MACF1: variants seen among roughly 807,000 people sequenced by gnomAD.
MACF1 encodes microtubule-actin cross-linking factor 1.
In MACF1, 193 loss-of-function variants were observed where a neutral mutation model predicts 854.8. The observed-to-expected ratio is 0.23, with a 90% CI of 0.20 to 0.25. The LOEUF is 0.25. MACF1 is among the 10% of genes least tolerant of loss of function. MACF1 has a pLI of 1.00. For synonymous variants in MACF1, 3,185 were observed against 3,226.7 expected, an observed-to-expected ratio of 0.99 and a Z score of 0.44; for missense variants, 7,722 against 8,929.1, an observed-to-expected ratio of 0.86 and a Z score of 5.45.
intron 100 of MACF1, 51 bp from the exon 101 acceptor site, chr1:39,485,487 T>C: frequency 1.3e-6 from 2 of 1,520,924 alleles, no homozygotes; most frequent in Non-Finnish European, 1.8e-6. Context: ...CACTTGTTCT[T>C]CCACCCCATG....
chr1:39,243,134 T>G (rs998640231), intron 2 of MACF1, among the ~76,000 whole-genome samples: 2 of 152,242 alleles, frequency 1.3e-5, no homozygotes, highest in African/African-American at 4.8e-5. Context: ...ATAGACATCC[T>G]AGACAGCGCT....
chr1:39,111,445 C>T (rs1642401343), intron 2 of MACF1, among the ~76,000 whole-genome samples: 1 of 151,766 alleles, frequency 6.6e-6, no homozygotes, highest in Non-Finnish European at 1.5e-5. Context: ...TGCAGTGGTG[C>T]GAACTCGGCT....
At chr1:39,142,076 A>G (rs1336893520) in intron 2 of MACF1, among the ~76,000 whole-genome samples, 1 of 152,120 alleles carries the variant, frequency 6.6e-6, no homozygotes, top group Non-Finnish European at 1.5e-5. Context: ...GTGGCTAAGG[A>G]AGTGATTTGC....
intron 58 of MACF1, among the ~76,000 whole-genome samples, chr1:39,400,192 A>C (rs951067924): frequency 6.6e-6 from 1 of 152,220 alleles, no homozygotes; most frequent in African/African-American, 2.4e-5. Flanking sequence ...GTGTAGTGAA[A>C]AAAACTGAAT....
intron 2 of MACF1, among the ~76,000 whole-genome samples, chr1:39,245,996 T>C (rs573818670): frequency 5.3e-5 from 8 of 152,368 alleles, no homozygotes; most frequent in Admixed American, 5.2e-4. Context: ...GTTAAAAAAC[T>C]TTCTTAGTCT....
Position 39,361,472 on chromosome 1 carries a change from A to T in MACF1, c.12566A>T (p.Lys4189Ile). 6.2e-7 allele frequency: 1 copy of T among 1,614,208 alleles called. No homozygotes were observed. Among genetic ancestry groups the T allele is most frequent in the Non-Finnish European group, 8.5e-7 (1 of 1,180,030 alleles). ...ACTACAGCAGCAGTGCTGCAGGGCAAACTGGCAGAGGTGAGCCAGCGGTTC... is the reference window on the plus strand; with the variant it reads ...ACTACAGCAGCAGTGCTGCAGGGCATACTGGCAGAGGTGAGCCAGCGGTTC... ...DSTTAAVLQG[K>I]LAEVSQRFEQ... is the part of the protein sequence containing the mutation. The change falls in exon 49 of 101, where the codon AAA becomes ATA. Residue 4189 changes from lysine to isoleucine, a missense_variant. Coordinates refer to ENST00000564288, the MANE Select transcript of MACF1 (RefSeq NM_001394062.1).
chr1:39,404,471 GA>G (rs71575619), intron 58 of MACF1, among the ~76,000 whole-genome samples: 4,738 of 141,876 alleles, frequency 0.033, 210 homozygotes, highest in African/African-American at 0.11. Flanking sequence ...ACCCTGTCTG[GA>G]AAAAAAAAAA....
At chr1:39,112,806 A>G (rs1220303597) in intron 2 of MACF1, among the ~76,000 whole-genome samples, 2 of 152,254 alleles carry the variant, frequency 1.3e-5, no homozygotes, top group South Asian at 2.1e-4. Context: ...TACCTGCCCA[A>G]AATGTTCTCA....
intron 25 of MACF1, 105 bp downstream of exon 25, chr1:39,310,533 TCCA>T: frequency 8.2e-7 from 1 of 1,218,912 alleles, no homozygotes; most frequent in Non-Finnish European, 1.1e-6. Flanking sequence ...ACCACTTTTT[TCCA>T]TTTGAGTAGC....
chr1:39,475,100 G>T (rs780566943), intron 97 of MACF1, among the ~76,000 whole-genome samples: 1 of 152,016 alleles, frequency 6.6e-6, no homozygotes, highest in Non-Finnish European at 1.5e-5. Context: ...CCAAGATGTG[G>T]TCCTCAAAAA....
At chr1:39,414,097 G>C in intron 58 of MACF1, 9 of 1,606,334 alleles carry the variant, frequency 5.6e-6, no homozygotes, top group Non-Finnish European at 6.8e-6. Context: ...GCCCACCCCC[G>C]AGGAGCCTGC....
chr1:39,188,474 TC>T (rs920137082), intron 2 of MACF1, among the ~76,000 whole-genome samples: 11 of 152,238 alleles, frequency 7.2e-5, no homozygotes, highest in Admixed American at 2.0e-4. Context: ...ACTGGTATAC[TC>T]CTAATGAATA....
At position 39,382,030 on chromosome 1, in the gene MACF1, T is replaced by C. The variant is rs748931741; in HGVS notation, c.13726T>C (p.Cys4576Arg). 4 of 1,614,186 alleles carry C rather than the reference T, an allele frequency of 2.5e-6. No individual in the cohort carries two copies. Among genetic ancestry groups the C allele is most frequent in the South Asian group, 1.1e-5 (1 of 91,088 alleles). ...QLEESASHLACFQAAESQLRP... is the reference protein window; with the variant it reads ...QLEESASHLARFQAAESQLRP... ...AGAGGAATCTGCAAGTCATCTGGCC[T>C]GCTTCCAGGCTGCAGAATCCCAGCT... Residue 4576 changes from cysteine to arginine, a missense_variant, in exon 56 of 101, where the codon TGC becomes CGC. By Grantham distance (180) the Cys-to-Arg change is radical. This residue lies in a region of MACF1 where 2,807 missense variants were observed against 3,235.8 expected (regional missense o/e 0.87). Coordinates refer to ENST00000564288, the MANE Select transcript of MACF1 (RefSeq NM_001394062.1).
intron 3 of MACF1, among the ~76,000 whole-genome samples, chr1:39,250,734 A>C (rs1645031745): frequency 6.6e-6 from 1 of 152,178 alleles, no homozygotes; most frequent in Non-Finnish European, 1.5e-5. Flanking sequence ...ATGTTCTAAC[A>C]TTGATTATGG....
chr1:39,160,167 A>G (rs1643768921), intron 2 of MACF1, among the ~76,000 whole-genome samples: 1 of 152,128 alleles, frequency 6.6e-6, no homozygotes, highest in South Asian at 2.1e-4. Flanking sequence ...ATGTTAAAAA[A>G]TTAGCTGGGC....
chr1:39,434,385 CCTTT>C, intron 68 of MACF1, 25 bp from the exon 69 acceptor site: 3 of 1,134,680 alleles, frequency 2.6e-6, no homozygotes, highest in African/African-American at 3.5e-5. Context: ...TAATACTTAT[CCTTT>C]TTTTTTTTTT....
At chr1:39,414,133 C>T (rs1316960599) in intron 58 of MACF1, 1 of 1,609,102 alleles carries the variant, frequency 6.2e-7, no homozygotes, top group Non-Finnish European at 8.5e-7. Flanking sequence ...AGTGTCCAAC[C>T]TAGAGGAGCC....
At position 39,358,554 on chromosome 1, in the gene MACF1, C is replaced by T. The variant is rs1569682070; in HGVS notation, c.11944-143C>T. ...ACCCACACTTAGAGATCATTGCTACCCATCTATCCATGGGTTCTGGCAATA... is the reference window on the plus strand; with the variant it reads ...ACCCACACTTAGAGATCATTGCTACTCATCTATCCATGGGTTCTGGCAATA... On this transcript the variant is annotated intron_variant, in intron 45 of 100. Coordinates refer to ENST00000564288, the MANE Select transcript of MACF1 (RefSeq NM_001394062.1). 1.6e-5 allele frequency: 11 copies of T among 694,600 alleles called. No homozygotes were observed. The East Asian group carries it at 2.9e-4, about 18-fold the overall frequency. The allele number at this position is 694,600 out of a possible 1,614,324, so 43.0% of individuals were successfully genotyped here.
chr1:39,235,023 T>C (rs1245759465), intron 2 of MACF1, among the ~76,000 whole-genome samples: 1 of 145,372 alleles, frequency 6.9e-6, no homozygotes, highest in Non-Finnish European at 1.5e-5. Context: ...CTTTCCAGAC[T>C]GGGCAGCCAG....
Sources: gnomAD v4.1 joint callset for allele counts (sites outside exome capture counted in the v4.1 genomes callset) on GRCh38, gnomAD v4.1.1 for gene constraint, gnomAD v4.1.1 regional missense constraint, MANE v1.5 for transcripts, NCBI Gene and HGNC (gene_info 2026-07-23, HGNC 2026-07-21) for gene names.